The following ATF3 variants were observed in gnomAD, a reference collection of about 807,000 sequenced individuals.
The protein encoded by ATF3 is activating transcription factor 3.
A neutral mutation model predicts 18.4 loss-of-function variants in ATF3; 10 were observed. The ratio of observed to expected loss-of-function variants is 0.54; its 90% CI spans 0.34 to 0.92. ATF3 has a LOEUF of 0.92. Ranked by LOEUF, ATF3 falls within the 40% of genes least tolerant of loss-of-function variation. ATF3 has a pLI of 0.02. For synonymous variants in ATF3, 78 were observed against 87.9 expected (o/e 0.89, Z 0.63); for missense variants, 183 against 222.3 (o/e 0.82, Z 1.12).
intron 1 of ATF3, among the ~76,000 whole-genome samples, chr1:212,585,137 G>A (rs1424479341): frequency 6.6e-6 from 1 of 152,222 alleles, no homozygotes; most frequent in African/African-American, 2.4e-5. Flanking sequence ...GAATAGTGAG[G>A]CAGATCCACA....
At chr1:212,582,364 A>T (rs537588432) in intron 1 of ATF3, among the ~76,000 whole-genome samples, 1 of 152,346 alleles carries the variant, frequency 6.6e-6, no homozygotes, top group African/African-American at 2.4e-5. Context: ...CTTGAGGCTC[A>T]TAAAGAGACT....
chr1:212,594,508 A>T (rs866046355), intron 1 of ATF3, among the ~76,000 whole-genome samples: 1 of 152,338 alleles, frequency 6.6e-6, no homozygotes, highest in Middle Eastern at 3.4e-3. Flanking sequence ...TGTCAGATTT[A>T]AAAAGTCACT....
chr1:212,580,604 C>A (rs936794642), intron 1 of ATF3, among the ~76,000 whole-genome samples: 5 of 152,164 alleles, frequency 3.3e-5, no homozygotes, highest in African/African-American at 9.7e-5. Flanking sequence ...CCATACCCAG[C>A]CTTCACTTTC....
intron 1 of ATF3, among the ~76,000 whole-genome samples, chr1:212,587,064 T>C (rs551239755): frequency 6.6e-6 from 1 of 152,326 alleles, no homozygotes; most frequent in East Asian, 1.9e-4. Flanking sequence ...TTTGCTTTTT[T>C]CTCTTAAAGT....
chr1:212,584,550 G>T (rs1009199315), intron 1 of ATF3, among the ~76,000 whole-genome samples: 3 of 152,056 alleles, frequency 2.0e-5, no homozygotes, highest in Admixed American at 2.0e-4. Flanking sequence ...CAGCCTTTTT[G>T]CTGTCTTCAG....
intron 2 of ATF3, 121 bp downstream of exon 2, chr1:212,615,382 C>T: frequency 7.9e-7 from 1 of 1,272,208 alleles, no homozygotes; most frequent in Non-Finnish European, 1.1e-6. Context: ...CCACTGCCCT[C>T]AGGGAGCTTA....
intron 1 of ATF3, among the ~76,000 whole-genome samples, chr1:212,572,480 T>C (rs924184996): frequency 1.3e-5 from 2 of 152,144 alleles, no homozygotes; most frequent in African/African-American, 4.8e-5. Context: ...GATTGCACCA[T>C]TGAGCTACAG....
chr1:212,592,339 T>C (rs116604459), intron 1 of ATF3, among the ~76,000 whole-genome samples: 6,627 of 152,176 alleles, frequency 0.044, 171 homozygotes, highest in South Asian at 0.058. Flanking sequence ...GCTTTTAAGA[T>C]AATAATCACA....
intron 1 of ATF3, among the ~76,000 whole-genome samples, chr1:212,566,931 G>C (rs569680007): frequency 1.4e-3 from 217 of 152,240 alleles, no homozygotes; most frequent in South Asian, 6.2e-3. Context: ...GACCTGTCTC[G>C]AGCCATCTCT....
At chr1:212,599,172 T>C (rs933756117) in intron 1 of ATF3, among the ~76,000 whole-genome samples, 2 of 152,278 alleles carry the variant, frequency 1.3e-5, no homozygotes, top group African/African-American at 4.8e-5. Flanking sequence ...GGTGAGATGA[T>C]ATGTATCTTG....
At chr1:212,571,614 A>T (rs1458639776) in intron 1 of ATF3, among the ~76,000 whole-genome samples, 2 of 148,764 alleles carry the variant, frequency 1.3e-5, no homozygotes, top group East Asian at 2.0e-4. Flanking sequence ...CATTTTGGCC[A>T]TTTTCTTCTG....
intron 1 of ATF3, among the ~76,000 whole-genome samples, chr1:212,590,514 T>C (rs1461938214): frequency 6.6e-6 from 1 of 152,200 alleles, no homozygotes; most frequent in Non-Finnish European, 1.5e-5. Flanking sequence ...AAGGTAGTAG[T>C]CTCTGGTTGG....
At chr1:212,590,300 G>A (rs1478778754) in intron 1 of ATF3, among the ~76,000 whole-genome samples, 4 of 151,272 alleles carry the variant, frequency 2.6e-5, no homozygotes, top group Admixed American at 2.6e-4. Context: ...CCAATACTTA[G>A]GATTTTGGTC....
At chr1:212,609,855 C>A (rs1654821987) in intron 1 of ATF3, among the ~76,000 whole-genome samples, 1 of 152,146 alleles carries the variant, frequency 6.6e-6, no homozygotes, top group Non-Finnish European at 1.5e-5. Context: ...GTATGCGGAG[C>A]CGGGAAATAA....
intron 1 of ATF3, among the ~76,000 whole-genome samples, chr1:212,571,242 G>A (rs966494412): frequency 1.3e-5 from 2 of 151,842 alleles, no homozygotes; most frequent in Non-Finnish European, 2.9e-5. Flanking sequence ...TGTGCTTCCG[G>A]TTTTTCTTTA....
chr1:212,591,593 G>A (rs750516496), intron 1 of ATF3, among the ~76,000 whole-genome samples: 14 of 152,132 alleles, frequency 9.2e-5, no homozygotes, highest in Admixed American at 8.5e-4. Flanking sequence ...GCTCAGCTAC[G>A]TTTGTGGGCA....
chr1:212,610,814 G>A (rs1449234673), intron 1 of ATF3, among the ~76,000 whole-genome samples: 1 of 152,186 alleles, frequency 6.6e-6, no homozygotes, highest in Non-Finnish European at 1.5e-5. Context: ...ATCCCTTGAG[G>A]CGGTCGATAC....
At chr1:212,599,800 G>A (rs1654430933) in intron 1 of ATF3, among the ~76,000 whole-genome samples, 1 of 152,132 alleles carries the variant, frequency 6.6e-6, no homozygotes, top group Non-Finnish European at 1.5e-5. Context: ...CTAACACCAA[G>A]CTTCTGCCAA....
chr1:212,599,236 G>A (rs1654408955), intron 1 of ATF3, among the ~76,000 whole-genome samples: 1 of 152,174 alleles, frequency 6.6e-6, no homozygotes, highest in Non-Finnish European at 1.5e-5. Context: ...ATCTCTTTGT[G>A]AATATCTTTT....
Sources: allele counts gnomAD v4.1 joint callset (sites outside exome capture counted in the v4.1 genomes callset), GRCh38; gene constraint gnomAD v4.1.1; transcripts MANE v1.5; gene names NCBI Gene and HGNC (gene_info 2026-07-23, HGNC 2026-07-21).